Variants in IWS1 observed in about 807,000 individuals in gnomAD.
IWS1 encodes the protein interacts with SUPT6H, CTD assembly factor 1.
Under a neutral mutation model 86.7 loss-of-function variants are expected in IWS1, and 27 were observed. The ratio of observed to expected loss-of-function variants is 0.31; its 90% CI spans 0.23 to 0.43. The LOEUF (loss-of-function observed/expected upper bound fraction) is 0.43, where lower values mean the gene tolerates loss of function less well. Among genes scored for constraint, IWS1 ranks in the 20% least tolerant of loss-of-function variants. The probability of loss-of-function intolerance (pLI) is 1.00; values close to 1 mark genes in which losing one functional copy is unlikely to be tolerated. For missense variants in IWS1, 827 were observed against 1,000.8 expected, an observed-to-expected ratio of 0.83 and a Z score of 2.34; for synonymous variants, 313 against 335.1, an observed-to-expected ratio of 0.93 and a Z score of 0.72.
chr2:127,482,539 T>C (rs1375165200), intron 13 of IWS1: 3 of 152,238 alleles, frequency 2.0e-5, no homozygotes, highest in African/African-American at 7.2e-5. Flanking sequence ...ATCTTAGTAC[T>C]TGTACTTGGT....
intron 13 of IWS1, among the ~76,000 whole-genome samples, chr2:127,485,470 G>C (rs569795437): frequency 3.3e-5 from 5 of 152,264 alleles, no homozygotes; most frequent in African/African-American, 1.2e-4. Context: ...TTTATGTAAT[G>C]AGTTCTCAAA....
chr2:127,524,541 CT>C lies in IWS1; in HGVS notation c.35-751del, dbSNP rs111899416. Among the ~76,000 whole-genome samples the C allele has an allele frequency of 6.3e-3, 914 of 144,588 alleles. 4 individuals are homozygous for C. Among genetic ancestry groups the C allele is most frequent in the African/African-American group, 0.014 (556 of 39,704 alleles). 94.9% of individuals were successfully genotyped at this position (144,588 alleles called of 152,430 possible). A position where few individuals can be genotyped will look rare whatever the true frequency, so the allele number is the denominator to read the frequency against. On this transcript the variant is annotated intron_variant, in intron 1 of 13. Coordinates refer to ENST00000295321, the MANE Select transcript of IWS1 (RefSeq NM_017969.3). The stretch of plus-strand genomic sequence containing the variant: ...TATATACATGTATTACATATAATTA[CT>C]TTTTTTTTTTTTGGAGACACAGTTT...
At chr2:127,485,908 TA>T (rs1207047660) in intron 13 of IWS1, 1 of 153,210 alleles carries the variant, frequency 6.5e-6, no homozygotes, top group African/African-American at 2.4e-5. Context: ...GCCAGGCCTA[TA>T]GGGGCATCCT....
chr2:127,489,957 A>T lies in IWS1; in HGVS notation c.2048-14T>A. ...TAGACCACTCATCTGTAGTAAGAAAAAAATCAATTATTTTGTCCATAAAAT... is the reference window on the plus strand; with the variant it reads ...TAGACCACTCATCTGTAGTAAGAAATAAATCAATTATTTTGTCCATAAAAT... On this transcript the variant is annotated splice_polypyrimidine_tract_variant and intron_variant, in intron 10 of 13. Coordinates refer to ENST00000295321, the MANE Select transcript of IWS1 (RefSeq NM_017969.3). This position sits in a 1 kb window ranked among gnomAD's most constrained non-coding sequence, Gnocchi z 4.8. The T allele has an allele frequency of 7.2e-7, 1 of 1,384,492 alleles. No homozygotes were observed. Among genetic ancestry groups the T allele is most frequent in the Non-Finnish European group, 1.0e-6 (1 of 974,992 alleles). The allele number at this position is 1,384,492 out of a possible 1,614,324, so 85.8% of individuals were successfully genotyped here.
At position 127,489,992 on chromosome 2, in the gene IWS1, A is replaced by G. The variant is rs1690137816; in HGVS notation, c.2048-49T>C. ...ATTTTGTCCATAAAATTGCATTTCC[A>G]TTTTTTTCAAATAATTGCACCCCAG... On this transcript the variant is annotated intron_variant, in intron 10 of 13. Coordinates refer to ENST00000295321, the MANE Select transcript of IWS1 (RefSeq NM_017969.3). The surrounding 1 kb of genome is among the most constrained non-coding windows in gnomAD (Gnocchi z 4.8). The G allele has an allele frequency of 3.8e-6, 4 of 1,048,794 alleles. No individual in the cohort carries two copies. Among genetic ancestry groups the G allele is most frequent in the Admixed American group, 3.4e-5 (2 of 58,098 alleles). The allele number at this position is 1,048,794 out of a possible 1,614,324, so 65.0% of individuals were successfully genotyped here. A position where few individuals can be genotyped will look rare whatever the true frequency, so the allele number is the denominator to read the frequency against.
rs1469552843 is a variant in IWS1 at position 127,505,599 on chromosome 2, C to T, written c.304G>A (p.Glu102Lys). ...TTTTCAGAATCGCTTGCAGGAGGCT[C>T]TGCACGTTCCTCAGATTCAGAGTCG... ...DSDSESEERA[E>K]PPASDSENED... is the part of the protein sequence containing the mutation. The change falls in exon 3 of 14, where the codon GAG (glutamate) becomes AAG (lysine). Residue 102 changes from glutamate (E) to lysine (K), a missense_variant. Around this residue, in one of 2 missense-constraint regions of IWS1, gnomAD observed 548 missense variants for 560.2 expected, o/e 0.98. Transcript: ENST00000295321. This position sits in a 1 kb window ranked among gnomAD's most constrained non-coding sequence, Gnocchi z 5.0. 4 of 1,613,594 alleles carry T rather than the reference C, an allele frequency of 2.5e-6. No homozygotes were observed. The African/African-American group carries it at 5.4e-5, about 22-fold the overall frequency.
At chr2:127,491,830 T>C (rs916831565) in intron 10 of IWS1, 141 bp downstream of exon 10, 1 of 626,918 alleles carries the variant, frequency 1.6e-6, no homozygotes, top group African/African-American at 1.8e-5. Context: ...CTAGTACCTG[T>C]AAGAAGTTAT....
At chr2:127,514,966 G>C (rs372085583) in intron 2 of IWS1, 1 of 152,240 alleles carries the variant, frequency 6.6e-6, no homozygotes, top group Non-Finnish European at 1.5e-5. Flanking sequence ...CTGCCAACCG[G>C]AAGTGGCACT....
chr2:127,489,110 C>T lies in IWS1; in HGVS notation c.2216+69G>A, dbSNP rs552482205. On this transcript the variant is annotated intron_variant, in intron 12 of 13. Coordinates refer to ENST00000295321, the MANE Select transcript of IWS1 (RefSeq NM_017969.3). The surrounding 1 kb of genome is among the most constrained non-coding windows in gnomAD (Gnocchi z 4.8). ...GAGCATAACATCATTTCATTTACTACTTTTCTTAAAGCAGCAAACGGAAAT... is the reference window on the plus strand; with the variant it reads ...GAGCATAACATCATTTCATTTACTATTTTTCTTAAAGCAGCAAACGGAAAT... The T allele has an allele frequency of 3.8e-5, 42 of 1,118,234 alleles. No homozygotes were observed. Among genetic ancestry groups the T allele is most frequent in the Middle Eastern group, 2.0e-4 (1 of 4,970 alleles). 69.3% of individuals were successfully genotyped at this position (1,118,234 alleles called of 1,614,324 possible). A position where few individuals can be genotyped will look rare whatever the true frequency, so the allele number is the denominator to read the frequency against.
intron 13 of IWS1, chr2:127,482,137 C>T (rs538013971): frequency 6.6e-6 from 1 of 152,242 alleles, no homozygotes; most frequent in East Asian, 1.9e-4. Context: ...ATTCTTCTCC[C>T]CATACATTTA....
At position 127,489,724 on chromosome 2, in the gene IWS1, G is replaced by C; in HGVS notation, c.2159+108C>G. On this transcript the variant is annotated intron_variant, in intron 11 of 13. Transcript: ENST00000295321. This position sits in a 1 kb window ranked among gnomAD's most constrained non-coding sequence, Gnocchi z 4.8. ...GAATTATGTACACATATCAAGCTGA[G>C]AGGAAAGGAAATCCTATCATCTTGC... The C allele has an allele frequency of 1.4e-6, 1 of 740,252 alleles. No homozygotes were observed. Among genetic ancestry groups the C allele is most frequent in the East Asian group, 2.4e-5 (1 of 40,832 alleles). The allele number at this position is 740,252 out of a possible 1,614,324, so 45.9% of individuals were successfully genotyped here. A position where few individuals can be genotyped will look rare whatever the true frequency, so the allele number is the denominator to read the frequency against.
chr2:127,495,413 T>A (rs531485827), intron 7 of IWS1, among the ~76,000 whole-genome samples: 2 of 152,226 alleles, frequency 1.3e-5, no homozygotes, highest in Admixed American at 1.3e-4. Context: ...AAATATAGAA[T>A]AATATACCTG....
Position 127,499,777 on chromosome 2 carries a change from A to G in IWS1, c.1468-1540T>C, listed in dbSNP as rs1234330022. Reference sequence around the variant, plus strand: ...TTTTTTTTGACCCAAGAACTATTTAAGCAGGGTTTAAGTTTCTGAGCGGCA... The same window carrying G: ...TTTTTTTTGACCCAAGAACTATTTAGGCAGGGTTTAAGTTTCTGAGCGGCA... On this transcript the variant is annotated intron_variant, in intron 5 of 13. Coordinates refer to ENST00000295321, the MANE Select transcript of IWS1 (RefSeq NM_017969.3). This position sits in a 1 kb window ranked among gnomAD's most constrained non-coding sequence, Gnocchi z 4.0. Among the ~76,000 whole-genome samples, 1 of 152,168 alleles carries G rather than the reference A, an allele frequency of 6.6e-6. No homozygotes were observed. Among genetic ancestry groups the G allele is most frequent in the Non-Finnish European group, 1.5e-5 (1 of 68,026 alleles).
chr2:127,502,476 T>C (rs982436941), intron 5 of IWS1: 1 of 179,516 alleles, frequency 5.6e-6, no homozygotes, highest in Non-Finnish European at 1.2e-5. Flanking sequence ...CTTTTCTAGT[T>C]GTGCTTGGCA....
intron 2 of IWS1, among the ~76,000 whole-genome samples, chr2:127,516,177 G>A (rs1691762453): frequency 6.6e-6 from 1 of 152,088 alleles, no homozygotes; most frequent in Admixed American, 6.5e-5. Context: ...CCTAGGCAAC[G>A]TGGCAAAACT....
In IWS1 at chr2:127,489,021, G is replaced by A. The variant is rs1690076784; in HGVS notation, c.2216+158C>T. ...TTTCTCAATTTTCCTTACATCCCCA[G>A]AGTACCCAATACAATGCTTTGTAGA... On this transcript the variant is annotated intron_variant, in intron 12 of 13. Coordinates refer to ENST00000295321, the MANE Select transcript of IWS1 (RefSeq NM_017969.3). This position sits in a 1 kb window ranked among gnomAD's most constrained non-coding sequence, Gnocchi z 4.8. Among the ~76,000 whole-genome samples the A allele has an allele frequency of 6.6e-6, 1 of 152,148 alleles. No individual in the cohort carries two copies. The highest frequency in any genetic ancestry group is 2.4e-5 in the African/African-American group (1 of 41,400).
rs116638246 is a variant in IWS1, at chr2:127,524,165, A to C, written c.35-374T>G. ...GTTTAACGTGGGTCTTCTTCACCTG[A>C]AAGAAAATGCCACAAGAATAGGGAT... On this transcript the variant is annotated intron_variant, in intron 1 of 13. Transcript: ENST00000295321. 7.3e-3 allele frequency among the ~76,000 whole-genome samples: 1,107 copies of C among 152,342 alleles called. 13 individuals carry two copies. The highest frequency in any genetic ancestry group is 0.025 in the African/African-American group (1,030 of 41,568).
chr2:127,489,347 T>G lies in IWS1; in HGVS notation c.2160-112A>C. The G allele has an allele frequency of 1.4e-6, 1 of 699,412 alleles. No homozygotes were observed. The highest frequency in any genetic ancestry group is 2.5e-6 in the Non-Finnish European group (1 of 400,322). The allele number at this position is 699,412 out of a possible 1,614,324, so 43.3% of individuals were successfully genotyped here. The stretch of plus-strand genomic sequence containing the variant: ...ATAACTATTAATAGCTCTTTTACGA[T>G]GGATCAGGGAAAATAATTCCTAATC... On this transcript the variant is annotated intron_variant, in intron 11 of 13. Coordinates refer to ENST00000295321, the MANE Select transcript of IWS1 (RefSeq NM_017969.3). The surrounding 1 kb of genome is among the most constrained non-coding windows in gnomAD (Gnocchi z 4.8).
At chr2:127,526,883 G>C (rs1012778528), upstream of IWS1, 1 of 343,258 alleles carries the variant, frequency 2.9e-6, no homozygotes, top group African/African-American at 2.1e-5. Flanking sequence ...GGGACTTGTA[G>C]TATGACGCCC....
Sources: allele counts gnomAD v4.1 joint callset (sites outside exome capture counted in the v4.1 genomes callset), GRCh38; gene constraint gnomAD v4.1.1; regional missense constraint gnomAD v4.1.1; non-coding constraint Gnocchi (gnomAD v3.1); transcripts MANE v1.5; gene names NCBI Gene and HGNC (gene_info 2026-07-23, HGNC 2026-07-21).